The following DUSP15 variants were observed in gnomAD, a reference collection of about 807,000 sequenced individuals.
DUSP15 encodes the protein dual specificity protein phosphatase 15.
DUSP15 carries 23 observed loss-of-function variants against 26.3 expected under a neutral mutation model. The observed-to-expected ratio is 0.87, with a 90% CI of 0.63 to 1.24. The LOEUF (loss-of-function observed/expected upper bound fraction) is 1.24. Among genes scored for constraint, DUSP15 ranks in the 50% most tolerant of loss-of-function variants. The pLI is 0.00. For synonymous variants in DUSP15, 143 were observed against 135.5 expected (o/e 1.06, Z -0.39); for missense variants, 364 against 320.6 (o/e 1.14, Z -1.03).
exon 10 of DUSP15, chr20:31,848,408 C>T: frequency 1.2e-6 from 2 of 1,610,836 alleles, no homozygotes; most frequent in East Asian, 2.2e-5. Context: ...CTGCCTTCAG[C>T]GGGTACAAGA....
chr20:31,860,059 T>C (rs2062619470), downstream of DUSP15, among the ~76,000 whole-genome samples: 1 of 152,236 alleles, frequency 6.6e-6, no homozygotes, highest in Non-Finnish European at 1.5e-5. Flanking sequence ...CCACCTGACA[T>C]ATTTTTTATT....
chr20:31,859,299 TGGG>T (rs11477044), downstream of DUSP15, among the ~76,000 whole-genome samples: 3 of 139,934 alleles, frequency 2.1e-5, no homozygotes, highest in East Asian at 2.1e-4. Context: ...TGCATTTTTT[TGGG>T]GGGGGGGGAT....
intron 4 of DUSP15, 83 bp downstream of exon 4, chr20:31,864,870 T>C (rs1293901705): frequency 7.0e-7 from 1 of 1,425,754 alleles, no homozygotes. Context: ...CTGAGTACTT[T>C]GTCCTCCTTC....
chr20:31,850,680 G>T (rs41287076), intron 6 of DUSP15: 28,297 of 1,610,260 alleles, frequency 0.018, 370 homozygotes, highest in South Asian at 0.038. Flanking sequence ...TGGCACCCTG[G>T]TGAAGGAGAG....
In DUSP15 at chr20:31,853,618, T is replaced by C. The variant is rs144076375; in HGVS notation, c.427-2942A>G. On this transcript the variant is annotated intron_variant, in intron 6 of 9. Coordinates refer to the DUSP15 transcript ENST00000278979. ...AGGAGGATCACATGAGCCCAGGAGG[T>C]CGAGGCTGCAGTAAGCCGTGATCAC... Among the ~76,000 whole-genome samples the C allele has an allele frequency of 4.7e-3, 694 of 148,076 alleles. 5 individuals carry two copies. Among genetic ancestry groups the C allele is most frequent in the Non-Finnish European group, 5.7e-3 (382 of 66,796 alleles).
intron 6 of DUSP15, among the ~76,000 whole-genome samples, chr20:31,855,101 CT>C (rs1459149971): frequency 1.3e-5 from 2 of 152,226 alleles, no homozygotes; most frequent in African/African-American, 4.8e-5. Flanking sequence ...CTAGACCACA[CT>C]TCAGCTTTAT....
In DUSP15 at chr20:31,852,428, T is replaced by G. The variant is rs2062485077; in HGVS notation, c.427-1752A>C. Among the ~76,000 whole-genome samples, 5 of 152,326 alleles carry G rather than the reference T, an allele frequency of 3.3e-5. 1 individual carries two copies. In the South Asian group the frequency reaches 1.0e-3, roughly 32 times the overall value. On this transcript the variant is annotated intron_variant, in intron 6 of 9. Coordinates refer to the DUSP15 transcript ENST00000278979. Reference sequence around the variant, plus strand: ...ACTTTATAGATGAGCAAAGAGATCCTTGTTGCCAGACAGCCATCGTTGGCC... The same window carrying G: ...ACTTTATAGATGAGCAAAGAGATCCGTGTTGCCAGACAGCCATCGTTGGCC...
Position 31,861,574 on chromosome 20 carries a change from G to T in DUSP15, c.537C>A (p.Ser179=). 6.7e-7 allele frequency: 1 copy of T among 1,499,168 alleles called. No individual in the cohort carries two copies. Among genetic ancestry groups the T allele is most frequent in the Non-Finnish European group, 8.8e-7 (1 of 1,132,500 alleles). The allele number at this position is 1,499,168 out of a possible 1,614,324, so 92.9% of individuals were successfully genotyped here. Residue 179 remains serine, a synonymous_variant, in exon 7 of 7, where the codon TCC becomes TCA. Transcript: ENST00000339738. ...GCCCGGCGGAGGAGGCCGAGGTCGC[G>T]GAGCCCTGCCGGCAGCGCTTGCACA... is the stretch of plus-strand genomic sequence containing the variant. ...LPLCKRCRQG[S]ATSASSAGPH...
intron 6 of DUSP15, chr20:31,850,789 T>C: frequency 8.8e-7 from 1 of 1,139,820 alleles, no homozygotes; most frequent in Non-Finnish European, 1.3e-6. Flanking sequence ...GTCCTTACTG[T>C]GGTCAACCAA....
In DUSP15 at chr20:31,861,226, C is replaced by A; in HGVS notation, c.*177G>T. Reference sequence around the variant, plus strand: ...CAGCAGGCCGGCCCGGACACAGAGACGCACAGGTTGGGGACGCTGACTGCA... The same window carrying A: ...CAGCAGGCCGGCCCGGACACAGAGAAGCACAGGTTGGGGACGCTGACTGCA... On this transcript the variant is annotated 3_prime_UTR_variant, in exon 7 of 7. Coordinates refer to ENST00000339738, the MANE Select transcript of DUSP15 (RefSeq NM_080611.5). The A allele has an allele frequency of 1.5e-6, 2 of 1,355,212 alleles. No homozygotes were observed. The highest frequency in any genetic ancestry group is 1.9e-6 in the Non-Finnish European group (2 of 1,060,400). 83.9% of individuals were successfully genotyped at this position (1,355,212 alleles called of 1,614,324 possible).
chr20:31,862,185 G>A (rs2062675537), intron 6 of DUSP15, among the ~76,000 whole-genome samples: 1 of 152,124 alleles, frequency 6.6e-6, no homozygotes, highest in Non-Finnish European at 1.5e-5. Flanking sequence ...ATCTGCCCGA[G>A]AGGTATAAGA....
intron 6 of DUSP15, 58 bp downstream of exon 6, chr20:31,862,513 G>A (rs1178608323): frequency 7.3e-6 from 11 of 1,516,498 alleles, no homozygotes; most frequent in Admixed American, 2.1e-5. Context: ...TGATCAGTTC[G>A]AGTGGGAAGA....
At chr20:31,850,695 C>G (rs2062454939) in intron 6 of DUSP15, 1 of 1,607,516 alleles carries the variant, frequency 6.2e-7, no homozygotes. Context: ...GGAGAGGAAG[C>G]AGTCAGGCAC....
At chr20:31,845,897 CAG>C (rs2062372147), downstream of DUSP15, among the ~76,000 whole-genome samples, 1 of 151,868 alleles carries the variant, frequency 6.6e-6, no homozygotes, top group South Asian at 2.1e-4. Flanking sequence ...CAAAATGAGA[CAG>C]AGGCAGAAAC....
downstream of DUSP15, among the ~76,000 whole-genome samples, chr20:31,859,696 C>T (rs1489551582): frequency 6.6e-6 from 1 of 152,168 alleles, no homozygotes; most frequent in African/African-American, 2.4e-5. Context: ...CTCGCTCTGT[C>T]ACCCAGGCTG....
chr20:31,861,396 T>G lies in DUSP15; in HGVS notation c.*7A>C. ...CGGAAGTGGGGAGCCACGGCTGGACTGCATCCTCACTTGCCGCCCTTGCGG... is the reference window on the plus strand; with the variant it reads ...CGGAAGTGGGGAGCCACGGCTGGACGGCATCCTCACTTGCCGCCCTTGCGG... On this transcript the variant is annotated 3_prime_UTR_variant, in exon 7 of 7. Transcript: ENST00000339738. 6.5e-7 allele frequency: 1 copy of G among 1,546,414 alleles called. No homozygotes were observed. Among genetic ancestry groups the G allele is most frequent in the Non-Finnish European group, 8.6e-7 (1 of 1,156,736 alleles).
rs749500561 is a variant in DUSP15 at position 31,870,307 on chromosome 20, C to T, written c.21+10G>A. 8.0e-7 allele frequency: 1 copy of T among 1,245,868 alleles called. No individual in the cohort carries two copies. Among genetic ancestry groups the T allele is most frequent in the Admixed American group, 3.8e-5 (1 of 26,176 alleles). The allele number at this position is 1,245,868 out of a possible 1,614,324, so 77.2% of individuals were successfully genotyped here. A position where few individuals can be genotyped will look rare whatever the true frequency, so the allele number is the denominator to read the frequency against. ...GGGACCGGGGAGGCTGCGCGGGGCC[C>T]GCCCCCTACCTTGGTCATGCCATTG... is the stretch of plus-strand genomic sequence containing the variant. On this transcript the variant is annotated intron_variant, in intron 1 of 6. Coordinates refer to ENST00000339738, the MANE Select transcript of DUSP15 (RefSeq NM_080611.5). The surrounding 1 kb of genome is among the most constrained non-coding windows in gnomAD (Gnocchi z 6.6).
rs980807136 is a variant in DUSP15, at chr20:31,861,278, G to C, written c.*125C>G. The stretch of plus-strand genomic sequence containing the variant: ...ACGCGGACGAGCAGGGCGGGCGCGG[G>C]AGGCAGGGTTCAGGCCGCCGCGGGG... On this transcript the variant is annotated 3_prime_UTR_variant, in exon 7 of 7. Transcript: ENST00000339738. 5.2e-5 allele frequency: 71 copies of C among 1,363,984 alleles called. No individual in the cohort carries two copies. The highest frequency in any genetic ancestry group is 6.5e-5 in the Non-Finnish European group (69 of 1,065,242). 84.5% of individuals were successfully genotyped at this position (1,363,984 alleles called of 1,614,324 possible). A position where few individuals can be genotyped will look rare whatever the true frequency, so the allele number is the denominator to read the frequency against.
At chr20:31,863,877 C>T (rs2062711763) in intron 5 of DUSP15, 30 bp downstream of exon 5, 4 of 1,606,404 alleles carry the variant, frequency 2.5e-6, no homozygotes, top group South Asian at 1.1e-5. Flanking sequence ...TTCCTTCCTC[C>T]CCCACCTTAT....
Sources: gnomAD v4.1 joint callset for allele counts (sites outside exome capture counted in the v4.1 genomes callset) on GRCh38, gnomAD v4.1.1 for gene constraint, Gnocchi (gnomAD v3.1) non-coding constraint, MANE v1.5 for transcripts, NCBI Gene and HGNC (gene_info 2026-07-23, HGNC 2026-07-21) for gene names.